Variants in LMX1B observed in about 807,000 individuals in gnomAD.
The protein encoded by LMX1B is LIM homeobox transcription factor 1-beta.
A neutral mutation model predicts 51.4 loss-of-function variants in LMX1B; 12 were observed. The observed-to-expected ratio is 0.23, with a 90% CI of 0.15 to 0.38. The LOEUF (loss-of-function observed/expected upper bound fraction) is 0.38. LMX1B is among the 10% of genes least tolerant of loss of function. The pLI is 1.00. For synonymous variants in LMX1B, 237 were observed against 235.4 expected (o/e 1.01, Z -0.06); for missense variants, 445 against 571.1 (o/e 0.78, Z 2.25).
In LMX1B at chr9:126,696,022, ACCCG is replaced by A. The variant is rs774343662; in HGVS notation, c.1051+27_1051+30del. 1.9e-6 allele frequency: 1 copy of A among 523,602 alleles called. No individual in the cohort carries two copies. Among genetic ancestry groups the A allele is most frequent in the Admixed American group, 4.7e-5 (1 of 21,076 alleles). The allele number at this position is 523,602 out of a possible 1,614,324, so 32.4% of individuals were successfully genotyped here. A position where few individuals can be genotyped will look rare whatever the true frequency, so the allele number is the denominator to read the frequency against. On this transcript the variant is annotated intron_variant, in intron 7 of 7. Transcript: ENST00000373474. ...CCCTATGGTAAGCCGCCCTACCCCC[ACCCG>A]CCCGCCCCAGCACAGCCCCTGCCCC...
At chr9:126,646,654 G>A (rs1196384904) in intron 2 of LMX1B, among the ~76,000 whole-genome samples, 1 of 152,218 alleles carries the variant, frequency 6.6e-6, no homozygotes, top group Non-Finnish European at 1.5e-5. Context: ...TCAGCCCCTG[G>A]GTTCTACTTC....
chr9:126,668,404 C>T (rs1245458044), intron 2 of LMX1B, among the ~76,000 whole-genome samples: 1 of 149,374 alleles, frequency 6.7e-6, no homozygotes, highest in African/African-American at 2.5e-5. Flanking sequence ...CCCAAGGTCA[C>T]AAAGCTAAGA....
chr9:126,690,664 G>T (rs1338556234), intron 2 of LMX1B, among the ~76,000 whole-genome samples, 172 bp from the exon 3 acceptor site: 1 of 152,218 alleles, frequency 6.6e-6, no homozygotes, highest in Non-Finnish European at 1.5e-5. Flanking sequence ...CCTGTAGGCA[G>T]AAGAATAGGG....
chr9:126,686,562 AC>A (rs971009704), intron 2 of LMX1B, among the ~76,000 whole-genome samples: 1 of 152,050 alleles, frequency 6.6e-6, no homozygotes, highest in African/African-American at 2.4e-5. Flanking sequence ...GTGTATGGCC[AC>A]CCCCACCTTC....
In LMX1B at chr9:126,615,583, G is replaced by T. The variant is rs372216363; in HGVS notation, c.326+14G>T. On this transcript the variant is annotated intron_variant, in intron 2 of 7. Transcript: ENST00000373474. This position sits in a 1 kb window ranked among gnomAD's most constrained non-coding sequence, Gnocchi z 6.0. Reference sequence around the variant, plus strand: ...AGACTACCAACAGTAAGCGCTTCTCGTCCTCCTTCCCCGCCACCGCCCGGC... The same window carrying T: ...AGACTACCAACAGTAAGCGCTTCTCTTCCTCCTTCCCCGCCACCGCCCGGC... The T allele has an allele frequency of 1.3e-6, 2 of 1,597,680 alleles. No homozygotes were observed. Among genetic ancestry groups the T allele is most frequent in the Admixed American group, 3.4e-5 (2 of 58,704 alleles).
At chr9:126,652,228 C>T (rs577791890) in intron 2 of LMX1B, among the ~76,000 whole-genome samples, 3 of 147,162 alleles carry the variant, frequency 2.0e-5, no homozygotes, top group East Asian at 4.0e-4. Context: ...TGAGAGGGGG[C>T]GCGGCAGGAG....
intron 2 of LMX1B, among the ~76,000 whole-genome samples, chr9:126,688,018 C>T (rs368805299): frequency 1.3e-5 from 2 of 152,190 alleles, no homozygotes; most frequent in Non-Finnish European, 2.9e-5. Context: ...ATGCATCCCC[C>T]CCGATGTTTT....
At chr9:126,687,871 C>G (rs565536150) in intron 2 of LMX1B, among the ~76,000 whole-genome samples, 10 of 152,178 alleles carry the variant, frequency 6.6e-5, no homozygotes, top group African/African-American at 1.9e-4. Flanking sequence ...GTGGGAGGCA[C>G]GAAGAGAGGG....
chr9:126,672,858 A>T (rs1473262525), intron 2 of LMX1B, among the ~76,000 whole-genome samples: 1 of 152,194 alleles, frequency 6.6e-6, no homozygotes, highest in African/African-American at 2.4e-5. Context: ...TGGTAAGCGG[A>T]AGCGTTGGCT....
intron 2 of LMX1B, among the ~76,000 whole-genome samples, chr9:126,624,901 G>T (rs148788321): frequency 6.6e-6 from 1 of 152,152 alleles, no homozygotes. Flanking sequence ...AGGGAGGTGG[G>T]GGGAGAGTCC....
rs539937175 is a variant in LMX1B, at chr9:126,686,352, A to G, written c.327-4484A>G. 6.6e-5 allele frequency among the ~76,000 whole-genome samples: 10 copies of G among 152,180 alleles called. No individual in the cohort carries two copies. The East Asian group carries it at 1.7e-3, about 26-fold the overall frequency. ...AATGCTCCTGAAAAAATTGGCTTTC[A>G]GAGTTTTGTTTATTAGCCTTATGAG... On this transcript the variant is annotated intron_variant, in intron 2 of 7. Transcript: ENST00000373474.
At position 126,682,081 on chromosome 9, in the gene LMX1B, G is replaced by GCCTTTT. The variant is rs755608375; in HGVS notation, c.327-8755_327-8754insCCTTTT. On this transcript the variant is annotated intron_variant, in intron 2 of 7. Coordinates refer to ENST00000373474, the MANE Select transcript of LMX1B (RefSeq NM_001174147.2). The stretch of plus-strand genomic sequence containing the variant: ...TACTTGCAGATACTTGGTCCCCAGG[G>GCCTTTT]TCTTTTTTTTTTTTTTTTTTTTTTT... Among the ~76,000 whole-genome samples, 49 of 81,272 alleles carry GCCTTTT rather than the reference G, an allele frequency of 6.0e-4. 1 individual carries two copies. The highest frequency in any genetic ancestry group is 2.1e-3 in the African/African-American group (38 of 18,054). The allele number at this position is 81,272 out of a possible 152,430, so 53.3% of individuals were successfully genotyped here.
In LMX1B at chr9:126,671,127, C is replaced by T. The variant is rs1836441124; in HGVS notation, c.327-19709C>T. 6.6e-6 allele frequency among the ~76,000 whole-genome samples: 1 copy of T among 152,180 alleles called. No individual in the cohort carries two copies. The highest frequency in any genetic ancestry group is 2.4e-5 in the African/African-American group (1 of 41,452). On this transcript the variant is annotated intron_variant, in intron 2 of 7. Transcript: ENST00000373474. The surrounding 1 kb of genome is among the most constrained non-coding windows in gnomAD (Gnocchi z 4.4). ...CTCTCCAGAGTTTGGCACCCAGGCA[C>T]AGCCCCATGCCCAGCTCACCAGCCG...
intron 2 of LMX1B, among the ~76,000 whole-genome samples, chr9:126,664,385 A>C (rs1836301620): frequency 2.0e-5 from 3 of 151,020 alleles, no homozygotes; most frequent in Middle Eastern, 3.2e-3. Context: ...CCAATCCCCC[A>C]CCCAAACAGA....
At chr9:126,621,820 G>A (rs1253435829) in intron 2 of LMX1B, among the ~76,000 whole-genome samples, 1 of 152,170 alleles carries the variant, frequency 6.6e-6, no homozygotes, top group African/African-American at 2.4e-5. Flanking sequence ...TGACGGGGCA[G>A]TGAAGGGCTT....
rs75730725 is a variant in LMX1B, at chr9:126,678,637, C to G, written c.327-12199C>G. ...GGAAAATTTAGCTTGGTAAAATAAT[C>G]CATACAAAATATAACTGACAACGGT... On this transcript the variant is annotated intron_variant, in intron 2 of 7. Transcript: ENST00000373474. Among the ~76,000 whole-genome samples, 48 of 152,296 alleles carry G rather than the reference C, an allele frequency of 3.2e-4. No individual in the cohort carries two copies. The East Asian group carries it at 9.1e-3, about 29-fold the overall frequency.
intron 2 of LMX1B, among the ~76,000 whole-genome samples, chr9:126,686,409 C>A (rs982343329): frequency 6.6e-6 from 1 of 152,020 alleles, no homozygotes; most frequent in African/African-American, 2.4e-5. Flanking sequence ...CAAATAAACC[C>A]GTAAAAACTC....
At chr9:126,684,108 G>C (rs1367456923) in intron 2 of LMX1B, among the ~76,000 whole-genome samples, 1 of 152,112 alleles carries the variant, frequency 6.6e-6, no homozygotes, top group Non-Finnish European at 1.5e-5. Context: ...GGGAACAGAA[G>C]GGCTGCAGTG....
At chr9:126,692,051 C>T (rs1040550373) in intron 3 of LMX1B, among the ~76,000 whole-genome samples, 25 of 152,174 alleles carry the variant, frequency 1.6e-4, no homozygotes, top group Admixed American at 1.6e-3. Context: ...GGAGGTGTCC[C>T]GGTCTGCCAG....
Sources: allele counts gnomAD v4.1 joint callset (sites outside exome capture counted in the v4.1 genomes callset), GRCh38; gene constraint gnomAD v4.1.1; non-coding constraint Gnocchi (gnomAD v3.1); transcripts MANE v1.5; gene names NCBI Gene and HGNC (gene_info 2026-07-23, HGNC 2026-07-21).